Variants in RAB8B observed in about 807,000 individuals in gnomAD.
RAB8B encodes RAB8B, member RAS oncogene family.
A neutral mutation model predicts 32.0 loss-of-function variants in RAB8B; 11 were observed. The observed-to-expected ratio is 0.34, with a 90% CI of 0.22 to 0.57. RAB8B has a LOEUF of 0.57. RAB8B is among the 20% of genes least tolerant of loss of function. The pLI is 0.86. For synonymous variants in RAB8B, 103 were observed against 89.6 expected, an observed-to-expected ratio of 1.15 and a Z score of -0.85; for missense variants, 190 against 258.5, an observed-to-expected ratio of 0.73 and a Z score of 1.82.
intron 3 of RAB8B, among the ~76,000 whole-genome samples, chr15:63,252,240 G>T (rs781271653): frequency 5.9e-5 from 9 of 152,146 alleles, no homozygotes; most frequent in Admixed American, 2.6e-4. Context: ...TGAAACTGAA[G>T]ATATAAATTA....
At chr15:63,203,745 G>T (rs988248068) in intron 1 of RAB8B, among the ~76,000 whole-genome samples, 1 of 152,206 alleles carries the variant, frequency 6.6e-6, no homozygotes, top group Non-Finnish European at 1.5e-5. Context: ...GGTAATTGAG[G>T]CACAGAATGT....
At chr15:63,205,518 A>G (rs2037690949) in intron 1 of RAB8B, among the ~76,000 whole-genome samples, 1 of 151,806 alleles carries the variant, frequency 6.6e-6, no homozygotes, top group South Asian at 2.1e-4. Flanking sequence ...CAAAAAAAAT[A>G]CTCACACACA....
intron 1 of RAB8B, among the ~76,000 whole-genome samples, chr15:63,210,783 T>TG: frequency 6.6e-6 from 1 of 152,146 alleles, no homozygotes; most frequent in East Asian, 1.9e-4. Context: ...ATTCTTGGCC[T>TG]TTTTTTTACT....
At chr15:63,214,778 G>T (rs1265882898) in intron 1 of RAB8B, among the ~76,000 whole-genome samples, 2 of 152,026 alleles carry the variant, frequency 1.3e-5, no homozygotes, top group East Asian at 3.9e-4. Flanking sequence ...CTGCTTCTGA[G>T]AATTCATGTT....
At chr15:63,256,446 C>A in intron 4 of RAB8B, 59 bp from the exon 5 acceptor site, 2 of 1,235,294 alleles carry the variant, frequency 1.6e-6, no homozygotes, top group Middle Eastern at 1.9e-4. Context: ...TTGGATTTGT[C>A]TATTAAGTAA....
intron 1 of RAB8B, among the ~76,000 whole-genome samples, chr15:63,224,950 C>T (rs1335533961): frequency 6.6e-6 from 1 of 152,214 alleles, no homozygotes; most frequent in Non-Finnish European, 1.5e-5. Flanking sequence ...GAAACCCCAG[C>T]TCTGCCACTT....
intron 1 of RAB8B, among the ~76,000 whole-genome samples, chr15:63,215,165 A>T (rs2037782157): frequency 6.6e-6 from 1 of 152,166 alleles, no homozygotes; most frequent in Admixed American, 6.5e-5. Context: ...CCTCATACCC[A>T]TCCTTTCTCT....
intron 1 of RAB8B, among the ~76,000 whole-genome samples, chr15:63,204,482 A>G (rs2037680987): frequency 6.6e-6 from 1 of 152,196 alleles, no homozygotes; most frequent in Admixed American, 6.5e-5. Context: ...AGAAGGGACA[A>G]ATGTTTCCAT....
chr15:63,245,145 A>G (rs1437251463), intron 2 of RAB8B, among the ~76,000 whole-genome samples: 1 of 152,222 alleles, frequency 6.6e-6, no homozygotes, highest in East Asian at 1.9e-4. Context: ...ATCTGATAAG[A>G]CAGAGTAGTC....
At chr15:63,241,855 AT>A (rs2038034820) in intron 1 of RAB8B, among the ~76,000 whole-genome samples, 1 of 151,978 alleles carries the variant, frequency 6.6e-6, no homozygotes, top group African/African-American at 2.4e-5. Context: ...ATAAAAATCA[AT>A]GTCTATTAAG....
chr15:63,261,061 A>G (rs2152585316), intron 6 of RAB8B, among the ~76,000 whole-genome samples: 1 of 152,350 alleles, frequency 6.6e-6, no homozygotes, highest in South Asian at 2.1e-4. Context: ...TCTGCTTGAT[A>G]CAAAAGGATT....
intron 1 of RAB8B, among the ~76,000 whole-genome samples, chr15:63,201,690 A>T (rs1567008347): frequency 1.3e-5 from 2 of 152,154 alleles, no homozygotes; most frequent in Non-Finnish European, 2.9e-5. Flanking sequence ...CACTTATGTT[A>T]TTACTTTATG....
At chr15:63,198,797 T>G (rs1001702931) in intron 1 of RAB8B, among the ~76,000 whole-genome samples, 1 of 152,244 alleles carries the variant, frequency 6.6e-6, no homozygotes, top group Non-Finnish European at 1.5e-5. Flanking sequence ...AAAGTTGAAT[T>G]GTAAATTCGT....
At chr15:63,254,185 C>T (rs867115087) in intron 3 of RAB8B, among the ~76,000 whole-genome samples, 22 of 152,192 alleles carry the variant, frequency 1.4e-4, no homozygotes, top group African/African-American at 4.1e-4. Context: ...TTCCCCTCTT[C>T]ACCGCAGCTC....
intron 5 of RAB8B, among the ~76,000 whole-genome samples, chr15:63,257,620 A>T (rs2038168503): frequency 6.6e-6 from 1 of 152,178 alleles, no homozygotes; most frequent in East Asian, 1.9e-4. Flanking sequence ...TTTTTCCCCT[A>T]AAAACATTTA....
chr15:63,190,499 A>G (rs2037546941), intron 1 of RAB8B, among the ~76,000 whole-genome samples: 1 of 152,020 alleles, frequency 6.6e-6, no homozygotes, highest in Non-Finnish European at 1.5e-5. Flanking sequence ...AAGACAGAGG[A>G]GATGGAAAAG....
chr15:63,193,535 A>C (rs965112915), intron 1 of RAB8B, among the ~76,000 whole-genome samples: 5 of 152,182 alleles, frequency 3.3e-5, no homozygotes, highest in Non-Finnish European at 4.4e-5. Context: ...TAATTGGCCA[A>C]GCGCAGTGGC....
In RAB8B at chr15:63,255,705, C is replaced by T. The variant is rs1368436398; in HGVS notation, c.324+121C>T. 8 of 750,874 alleles carry T rather than the reference C, an allele frequency of 1.1e-5. No individual in the cohort carries two copies. The East Asian group carries it at 2.0e-4, about 19-fold the overall frequency. 46.5% of individuals were successfully genotyped at this position (750,874 alleles called of 1,614,324 possible). A position where few individuals can be genotyped will look rare whatever the true frequency, so the allele number is the denominator to read the frequency against. ...GCAGGGCATGGGCAGGTTGGGCCCT[C>T]TCTCTCTGAAGAGCTCCATAAATCT... On this transcript the variant is annotated intron_variant, in intron 4 of 7. Transcript: ENST00000321437.
rs1567012548 is a variant in RAB8B at position 63,219,003 on chromosome 15, G to GTTTTT, written c.125-25753_125-25752insTTTTT. ...AAAATGATCTTTTCTTCCAGCAGTGGATTTTTTTTTTTTTTTTTTTTTTTT... is the reference window on the plus strand; with the variant it reads ...AAAATGATCTTTTCTTCCAGCAGTGGTTTTTATTTTTTTTTTTTTTTTTTTTTTTT... On this transcript the variant is annotated intron_variant, in intron 1 of 7. Transcript: ENST00000321437. Among the ~76,000 whole-genome samples, 70 of 48,836 alleles carry GTTTTT rather than the reference G, an allele frequency of 1.4e-3. 2 individuals are homozygous for GTTTTT. Among genetic ancestry groups the GTTTTT allele is most frequent in the African/African-American group, 3.4e-3 (66 of 19,520 alleles). 32.0% of individuals were successfully genotyped at this position (48,836 alleles called of 152,430 possible).
Sources: gnomAD v4.1 joint callset for allele counts (sites outside exome capture counted in the v4.1 genomes callset) on GRCh38, gnomAD v4.1.1 for gene constraint, MANE v1.5 for transcripts, NCBI Gene and HGNC (gene_info 2026-07-23, HGNC 2026-07-21) for gene names.